The following TRHDE variants were observed in gnomAD, a reference collection of about 807,000 sequenced individuals.
TRHDE encodes the protein thyrotropin releasing hormone degrading enzyme.
Under a neutral mutation model 125.7 loss-of-function variants are expected in TRHDE, and 72 were observed. That is an observed-to-expected ratio of 0.57 (90% CI 0.47 to 0.70). The LOEUF (loss-of-function observed/expected upper bound fraction) is 0.70, where lower values mean the gene tolerates loss of function less well. TRHDE is among the 30% of genes least tolerant of loss of function. The pLI is 0.00. For missense variants in TRHDE, 1,110 were observed against 1,327.1 expected (o/e 0.84, Z 2.54); for synonymous variants, 509 against 509.1 (o/e 1.00, Z 0.00).
chr12:72,183,414 G>A (rs567156390), intron 2 of TRHDE, among the ~76,000 whole-genome samples: 1 of 152,270 alleles, frequency 6.6e-6, no homozygotes, highest in Non-Finnish European at 1.5e-5. Flanking sequence ...TTCATGTGTG[G>A]AGAATTATTA....
chr12:72,203,542 A>G lies in TRHDE; in HGVS notation n.279+97790A>G, dbSNP rs528831671. ...GTGGGAGCGTCACTGCAATTCACTC[A>G]TTTATTTAAGAAGCCCTAGGAATAT... On this transcript the variant is annotated intron_variant and non_coding_transcript_variant, in intron 2 of 4. Transcript: ENST00000548156. 3.9e-5 allele frequency among the ~76,000 whole-genome samples: 6 copies of G among 152,270 alleles called. No homozygotes were observed. The East Asian group carries it at 1.2e-3, about 29-fold the overall frequency.
At chr12:72,501,869 G>T (rs1878169356) in intron 6 of TRHDE, among the ~76,000 whole-genome samples, 1 of 151,974 alleles carries the variant, frequency 6.6e-6, no homozygotes. Flanking sequence ...TATATGGTGG[G>T]TTATTTATTT....
At chr12:72,572,556 T>C (rs561201854) in intron 10 of TRHDE, among the ~76,000 whole-genome samples, 1 of 152,170 alleles carries the variant, frequency 6.6e-6, no homozygotes, top group African/African-American at 2.4e-5. Context: ...ACTGAAAAGA[T>C]AGTTAAAAAT....
chr12:72,089,210 CT>C (rs2139281046), intron 1 of TRHDE, among the ~76,000 whole-genome samples: 1 of 152,290 alleles, frequency 6.6e-6, no homozygotes, highest in South Asian at 2.1e-4. Flanking sequence ...ACTTTTGTTG[CT>C]GCCATCCTGA....
intron 2 of TRHDE, among the ~76,000 whole-genome samples, chr12:72,298,251 T>G (rs1488192167): frequency 4.6e-5 from 7 of 152,190 alleles, no homozygotes; most frequent in Admixed American, 4.6e-4. Flanking sequence ...ATAGATTGCA[T>G]GGTGCACAGC....
intron 2 of TRHDE, among the ~76,000 whole-genome samples, chr12:72,185,985 A>T (rs1311178750): frequency 6.6e-6 from 1 of 152,198 alleles, no homozygotes; most frequent in Non-Finnish European, 1.5e-5. Context: ...TTGTAAAAGC[A>T]CCAATCAGCC....
intron 2 of TRHDE, among the ~76,000 whole-genome samples, chr12:72,235,266 A>G (rs1467660292): frequency 2.0e-5 from 3 of 152,206 alleles, no homozygotes; most frequent in Non-Finnish European, 2.9e-5. Context: ...GATCCAGTAC[A>G]TACTGTTTCA....
At chr12:72,462,424 A>G (rs1207255961) in intron 3 of TRHDE, among the ~76,000 whole-genome samples, 1 of 152,164 alleles carries the variant, frequency 6.6e-6, no homozygotes, top group African/African-American at 2.4e-5. Context: ...CATGGAATTC[A>G]TGACCAGAGC....
intron 12 of TRHDE, among the ~76,000 whole-genome samples, chr12:72,582,882 C>T (rs953296948): frequency 1.3e-5 from 2 of 152,042 alleles, no homozygotes; most frequent in Admixed American, 6.6e-5. Flanking sequence ...AAGGATGCTT[C>T]GTTTCAAAAT....
At chr12:72,127,020 A>G (rs571066698) in intron 2 of TRHDE, among the ~76,000 whole-genome samples, 143 of 152,346 alleles carry the variant, frequency 9.4e-4, no homozygotes, top group Non-Finnish European at 5.0e-4. Flanking sequence ...AAATAAGCCT[A>G]TTAAAAAGTA....
intron 2 of TRHDE, among the ~76,000 whole-genome samples, chr12:72,233,429 G>A (rs1878284590): frequency 6.6e-6 from 1 of 152,180 alleles, no homozygotes; most frequent in South Asian, 2.1e-4. Flanking sequence ...CAGAGAAGAA[G>A]TGACTCGAGA....
chr12:72,529,155 G>C (rs2135972310), intron 6 of TRHDE, among the ~76,000 whole-genome samples: 1 of 152,166 alleles, frequency 6.6e-6, no homozygotes, highest in Non-Finnish European at 1.5e-5. Context: ...CTTAAGCCAA[G>C]AAGAGTAAGA....
At chr12:72,564,913 G>A (rs911137579) in intron 9 of TRHDE, among the ~76,000 whole-genome samples, 2 of 151,672 alleles carry the variant, frequency 1.3e-5, no homozygotes, top group East Asian at 1.9e-4. Flanking sequence ...TGACCCACCC[G>A]CCTCGGCCTC....
At chr12:72,262,652 C>A (rs1190862568) in intron 2 of TRHDE, 1 of 152,118 alleles carries the variant, frequency 6.6e-6, no homozygotes. Context: ...GACATATATA[C>A]ACCCAAGTAA....
intron 3 of TRHDE, among the ~76,000 whole-genome samples, chr12:72,441,994 C>A (rs1875038296): frequency 1.3e-5 from 2 of 151,762 alleles, no homozygotes; most frequent in African/African-American, 4.8e-5. Flanking sequence ...GGGGTGTTAA[C>A]TGAAGCTACA....
chr12:72,105,500 T>C (rs1364223901), intron 1 of TRHDE: 1 of 152,108 alleles, frequency 6.6e-6, no homozygotes, highest in African/African-American at 2.4e-5. Context: ...GAAATCACAA[T>C]AGAATTTTCA....
At chr12:72,384,049 C>T (rs1394588943) in intron 3 of TRHDE, among the ~76,000 whole-genome samples, 1 of 151,976 alleles carries the variant, frequency 6.6e-6, no homozygotes, top group African/African-American at 2.4e-5. Context: ...ATTTTATTAA[C>T]CTGAAGACAT....
At chr12:72,542,691 C>T (rs1249740543) in intron 7 of TRHDE, among the ~76,000 whole-genome samples, 1 of 151,186 alleles carries the variant, frequency 6.6e-6, no homozygotes, top group African/African-American at 2.4e-5. Context: ...TAAGGTGAAA[C>T]AAATTTTGTT....
At chr12:72,121,720 CTTTTTTTTTT>C (rs57483232) in intron 2 of TRHDE, among the ~76,000 whole-genome samples, 1 of 111,954 alleles carries the variant, frequency 8.9e-6, no homozygotes. Flanking sequence ...ACGAAGGTGC[CTTTTTTTTTT>C]TTTTTTTTTT....
Sources: allele counts gnomAD v4.1 joint callset (sites outside exome capture counted in the v4.1 genomes callset), GRCh38; gene constraint gnomAD v4.1.1; transcripts MANE v1.5; gene names NCBI Gene and HGNC (gene_info 2026-07-23, HGNC 2026-07-21).